CSMD3: variants seen among roughly 807,000 people sequenced by gnomAD.
CSMD3 encodes the protein CUB and Sushi multiple domains 3.
Under a neutral mutation model 435.2 loss-of-function variants are expected in CSMD3, and 177 were observed. The observed-to-expected ratio is 0.41, with a 90% CI of 0.36 to 0.46. The LOEUF (loss-of-function observed/expected upper bound fraction) is 0.46, where lower values mean the gene tolerates loss of function less well. Ranked by LOEUF, CSMD3 falls within the 20% of genes least tolerant of loss-of-function variation. The pLI, the probability that CSMD3 is intolerant of heterozygous loss-of-function variation, is 0.34. For synonymous variants in CSMD3, 1,656 were observed against 1,520.5 expected (o/e 1.09, Z -2.07); for missense variants, 4,265 against 4,504.6 (o/e 0.95, Z 1.52).
chr8:113,132,329 T>C (rs1305796067), intron 4 of CSMD3, among the ~76,000 whole-genome samples: 1 of 152,006 alleles, frequency 6.6e-6, no homozygotes, highest in East Asian at 1.9e-4. Flanking sequence ...GGGTTGGAAT[T>C]ATATGGTTTG....
At chr8:112,936,986 C>T in intron 9 of CSMD3, among the ~76,000 whole-genome samples, 1 of 151,790 alleles carries the variant, frequency 6.6e-6, no homozygotes, top group Non-Finnish European at 1.5e-5. Context: ...TTGTTTTCTC[C>T]CTCCAGCAAT....
intron 3 of CSMD3, among the ~76,000 whole-genome samples, chr8:113,228,765 G>A (rs992433288): frequency 1.3e-5 from 2 of 151,452 alleles, no homozygotes; most frequent in Non-Finnish European, 3.0e-5. Context: ...CATACTTAAT[G>A]ATATTCAGAT....
chr8:112,690,604 A>C (rs889937298), intron 13 of CSMD3, among the ~76,000 whole-genome samples: 6 of 144,298 alleles, frequency 4.2e-5, no homozygotes, highest in South Asian at 2.5e-4. Flanking sequence ...CCCCCAACAA[A>C]AAAAAAATCT....
chr8:112,832,523 C>G (rs2079905085), intron 11 of CSMD3, among the ~76,000 whole-genome samples: 1 of 152,110 alleles, frequency 6.6e-6, no homozygotes, highest in African/African-American at 2.4e-5. Flanking sequence ...AGATGCTCTC[C>G]TGTTGGCCTT....
chr8:112,467,982 A>G (rs941003173), intron 32 of CSMD3, among the ~76,000 whole-genome samples: 1 of 152,346 alleles, frequency 6.6e-6, no homozygotes, highest in Non-Finnish European at 1.5e-5. Flanking sequence ...ACTTTGTTAT[A>G]GTAGCCTTAG....
intron 6 of CSMD3, among the ~76,000 whole-genome samples, chr8:113,008,967 T>C (rs1264050022): frequency 2.0e-5 from 3 of 151,470 alleles, no homozygotes; most frequent in Non-Finnish European, 4.4e-5. Flanking sequence ...AAAAATAAAA[T>C]GTAAAATATA....
At chr8:112,567,339 A>G (rs1829142330) in intron 24 of CSMD3, among the ~76,000 whole-genome samples, 2 of 152,012 alleles carry the variant, frequency 1.3e-5, no homozygotes, top group South Asian at 4.1e-4. Context: ...TATCTATCCC[A>G]TTGCCCTGTT....
At chr8:112,531,588 A>C (rs2131075374) in intron 27 of CSMD3, among the ~76,000 whole-genome samples, 1 of 152,270 alleles carries the variant, frequency 6.6e-6, no homozygotes, top group East Asian at 1.9e-4. Context: ...ATGATCTCCC[A>C]AAAGTCCATC....
At chr8:112,853,516 A>C (rs2129763031) in intron 11 of CSMD3, among the ~76,000 whole-genome samples, 1 of 152,242 alleles carries the variant, frequency 6.6e-6, no homozygotes, top group African/African-American at 2.4e-5. Flanking sequence ...GTGAGCCACC[A>C]CACCTGGCCG....
At chr8:112,494,477 CTTT>C (rs1362277596) in intron 30 of CSMD3, among the ~76,000 whole-genome samples, 4 of 100,784 alleles carry the variant, frequency 4.0e-5, no homozygotes. Context: ...TCTTTCTTTT[CTTT>C]TGTTTCTTTC....
At chr8:112,899,689 ACAC>A in intron 10 of CSMD3, among the ~76,000 whole-genome samples, 1 of 142,144 alleles carries the variant, frequency 7.0e-6, no homozygotes, top group Non-Finnish European at 1.5e-5. Flanking sequence ...ACACACACAC[ACAC>A]GTATATAGCC....
intron 2 of CSMD3, among the ~76,000 whole-genome samples, chr8:113,307,417 C>T (rs2132631022): frequency 6.6e-6 from 1 of 152,078 alleles, no homozygotes; most frequent in East Asian, 1.9e-4. Flanking sequence ...AAATATAAAG[C>T]TAACACTCTA....
chr8:112,594,519 G>C (rs1367156484), intron 22 of CSMD3, among the ~76,000 whole-genome samples: 3 of 152,206 alleles, frequency 2.0e-5, no homozygotes, highest in Non-Finnish European at 4.4e-5. Flanking sequence ...GCCCACCACA[G>C]CTCAAGGAGG....
At chr8:112,994,406 A>G (rs1235971571) in intron 6 of CSMD3, among the ~76,000 whole-genome samples, 1 of 151,598 alleles carries the variant, frequency 6.6e-6, no homozygotes, top group Non-Finnish European at 1.5e-5. Flanking sequence ...CATTATTATT[A>G]CTCCAATGCA....
chr8:113,245,114 G>A (rs2093262078), intron 3 of CSMD3, among the ~76,000 whole-genome samples: 1 of 152,036 alleles, frequency 6.6e-6, no homozygotes, highest in African/African-American at 2.4e-5. Flanking sequence ...CTGTTGGCAT[G>A]GCATATATAG....
chr8:113,395,758 C>T (rs1395556985), intron 1 of CSMD3, among the ~76,000 whole-genome samples: 2 of 152,084 alleles, frequency 1.3e-5, no homozygotes, highest in East Asian at 3.9e-4. Context: ...ATTACAGAGC[C>T]TTCTGCCATC....
chr8:113,223,219 T>G (rs1004799149), intron 3 of CSMD3, among the ~76,000 whole-genome samples: 2 of 150,678 alleles, frequency 1.3e-5, no homozygotes, highest in African/African-American at 4.8e-5. Flanking sequence ...CTAATATTAC[T>G]AATTGCTGCT....
chr8:113,226,910 C>T (rs1431932834), intron 3 of CSMD3, among the ~76,000 whole-genome samples: 1 of 151,450 alleles, frequency 6.6e-6, no homozygotes, highest in Non-Finnish European at 1.5e-5. Context: ...ACAATTGTAC[C>T]ATGATACAGG....
At chr8:113,115,446 C>CCCT (rs1289995117) in intron 4 of CSMD3, among the ~76,000 whole-genome samples, 1 of 152,158 alleles carries the variant, frequency 6.6e-6, no homozygotes, top group African/African-American at 2.4e-5. Flanking sequence ...CCCAAATACT[C>CCCT]CCTCTCAGTC....
Sources: allele counts gnomAD v4.1 joint callset (sites outside exome capture counted in the v4.1 genomes callset), GRCh38; gene constraint gnomAD v4.1.1; transcripts MANE v1.5; gene names NCBI Gene and HGNC (gene_info 2026-07-23, HGNC 2026-07-21).